JPH1: variants seen among roughly 807,000 people sequenced by gnomAD.
JPH1 encodes the protein junctophilin-1.
JPH1 carries 12 observed loss-of-function variants against 53.6 expected under a neutral mutation model. The ratio of observed to expected loss-of-function variants is 0.22; its 90% CI spans 0.14 to 0.36. The LOEUF is 0.36. Among genes scored for constraint, JPH1 ranks in the 10% least tolerant of loss-of-function variants. The pLI, the probability that JPH1 is intolerant of heterozygous loss-of-function variation, is 1.00. For missense variants in JPH1, 808 were observed against 905.5 expected, an observed-to-expected ratio of 0.89 and a Z score of 1.38; for synonymous variants, 375 against 363.8, an observed-to-expected ratio of 1.03 and a Z score of -0.35.
chr8:74,285,581 C>T (rs1350701274), intron 2 of JPH1, among the ~76,000 whole-genome samples: 1 of 152,128 alleles, frequency 6.6e-6, no homozygotes, highest in African/African-American at 2.4e-5. Context: ...GACAGTAACA[C>T]CTGAATGCAA....
intron 2 of JPH1, among the ~76,000 whole-genome samples, chr8:74,288,367 A>G (rs940130463): frequency 6.6e-6 from 1 of 152,146 alleles, no homozygotes; most frequent in African/African-American, 2.4e-5. Flanking sequence ...CTGAAAACCC[A>G]TTTCTTCAAC....
intron 2 of JPH1, among the ~76,000 whole-genome samples, chr8:74,272,079 T>A (rs1586749412): frequency 6.6e-6 from 1 of 152,262 alleles, no homozygotes. Flanking sequence ...CCTGCTGTCC[T>A]TGTCTTCCTA....
chr8:74,314,148 TG>T (rs1440081194), intron 2 of JPH1, among the ~76,000 whole-genome samples: 2 of 152,204 alleles, frequency 1.3e-5, no homozygotes, highest in Non-Finnish European at 2.9e-5. Context: ...CATGTCAGGT[TG>T]TCAGGTTCCC....
chr8:74,237,122 T>G, intron 5 of JPH1, 86 bp downstream of exon 5: 1 of 841,822 alleles, frequency 1.2e-6, no homozygotes, highest in Non-Finnish European at 1.9e-6. Context: ...GGACAATACG[T>G]CATTGTTAAA....
At chr8:74,265,903 C>A (rs1422089000) in intron 2 of JPH1, among the ~76,000 whole-genome samples, 1 of 151,198 alleles carries the variant, frequency 6.6e-6, no homozygotes, top group East Asian at 1.9e-4. Flanking sequence ...CATATCAAAA[C>A]CACAATGAGA....
chr8:74,303,380 C>T (rs1403722449), intron 2 of JPH1, among the ~76,000 whole-genome samples: 1 of 152,158 alleles, frequency 6.6e-6, no homozygotes, highest in Non-Finnish European at 1.5e-5. Flanking sequence ...GTAAACAGTA[C>T]CACCATCCAT....
intron 2 of JPH1, among the ~76,000 whole-genome samples, chr8:74,277,086 T>C (rs1304914974): frequency 6.6e-6 from 1 of 152,224 alleles, no homozygotes; most frequent in Non-Finnish European, 1.5e-5. Context: ...TTGCCAGTGT[T>C]GTTTGTTCTC....
At chr8:74,238,816 C>A (rs965089436) in intron 4 of JPH1, among the ~76,000 whole-genome samples, 1 of 152,142 alleles carries the variant, frequency 6.6e-6, no homozygotes, top group Non-Finnish European at 1.5e-5. Context: ...TGCTATCAAA[C>A]CTGGTTAATT....
chr8:74,276,548 A>G (rs1806854439), intron 2 of JPH1, among the ~76,000 whole-genome samples: 2 of 152,182 alleles, frequency 1.3e-5, no homozygotes, highest in African/African-American at 4.8e-5. Context: ...AAGTATTGAC[A>G]ATAATGATAA....
chr8:74,303,486 C>T (rs1414160687), intron 2 of JPH1, among the ~76,000 whole-genome samples: 7 of 152,308 alleles, frequency 4.6e-5, no homozygotes, highest in African/African-American at 1.7e-4. Flanking sequence ...AGTGAATCTG[C>T]TTGGGAGGCT....
intron 2 of JPH1, among the ~76,000 whole-genome samples, chr8:74,274,090 C>T (rs979522232): frequency 6.6e-6 from 1 of 152,176 alleles, no homozygotes; most frequent in Non-Finnish European, 1.5e-5. Flanking sequence ...CATGTGGCAC[C>T]TTTTCCCTTT....
chr8:74,247,975 A>C (rs1805909814), intron 3 of JPH1, among the ~76,000 whole-genome samples: 1 of 152,186 alleles, frequency 6.6e-6, no homozygotes, highest in African/African-American at 2.4e-5. Flanking sequence ...GGCCGTTGGA[A>C]TAATTTGTAT....
chr8:74,266,042 A>G (rs1357402193), intron 2 of JPH1, among the ~76,000 whole-genome samples: 2 of 152,094 alleles, frequency 1.3e-5, no homozygotes, highest in East Asian at 3.8e-4. Flanking sequence ...TGGTGCAGCT[A>G]CTGTTAAAAC....
chr8:74,275,309 A>G (rs1156572389), intron 2 of JPH1, among the ~76,000 whole-genome samples: 5 of 152,202 alleles, frequency 3.3e-5, no homozygotes, highest in African/African-American at 1.2e-4. Context: ...AAAATGGATC[A>G]AAACAGAGAT....
rs1365182639 is a variant in JPH1 at position 74,321,506 on chromosome 8, G to T, written c.-219C>A. The T allele has an allele frequency of 2.2e-6, 1 of 457,966 alleles. No individual in the cohort carries two copies. The highest frequency in any genetic ancestry group is 5.6e-4 in the Middle Eastern group (1 of 1,792). The allele number at this position is 457,966 out of a possible 1,614,324, so 28.4% of individuals were successfully genotyped here. A position where few individuals can be genotyped will look rare whatever the true frequency, so the allele number is the denominator to read the frequency against. ...TTCCTCCTCCTCCTCCTCCTCCTTC[G>T]CCGCCGCCGCCTGGGCCAGCGCCGC... On this transcript the variant is annotated 5_prime_UTR_variant, in exon 1 of 6. Coordinates refer to ENST00000342232, the MANE Select transcript of JPH1 (RefSeq NM_020647.4). This position sits in a 1 kb window ranked among gnomAD's most constrained non-coding sequence, Gnocchi z 4.3.
rs1169286090 is a variant in JPH1 at position 74,281,691 on chromosome 8, TTAGTGGGAGC to T, written c.1140-22198_1140-22189del. Among the ~76,000 whole-genome samples, 7 of 152,242 alleles carry T rather than the reference TTAGTGGGAGC, an allele frequency of 4.6e-5. No individual in the cohort carries two copies. The East Asian group carries it at 1.4e-3, about 29-fold the overall frequency. On this transcript the variant is annotated intron_variant, in intron 2 of 5. Coordinates refer to ENST00000342232, the MANE Select transcript of JPH1 (RefSeq NM_020647.4). ...ATTCATTCTCATCTGTCCTGTGTGGTTAGTGGGAGCTACCCCAACCCTGACCTGACTCATT... is the reference window on the plus strand; with the variant it reads ...ATTCATTCTCATCTGTCCTGTGTGGTTACCCCAACCCTGACCTGACTCATT...
chr8:74,311,765 G>T (rs1030522440), intron 2 of JPH1, among the ~76,000 whole-genome samples: 1 of 147,432 alleles, frequency 6.8e-6, no homozygotes, highest in African/African-American at 2.5e-5. Context: ...GTGAGAACAT[G>T]TGGTGTTTGG....
At chr8:74,249,027 C>G (rs1382873999) in intron 3 of JPH1, among the ~76,000 whole-genome samples, 1 of 152,186 alleles carries the variant, frequency 6.6e-6, no homozygotes, top group African/African-American at 2.4e-5. Flanking sequence ...CACCCGCTCA[C>G]GGACATGGCT....
chr8:74,244,421 A>G (rs1805786686), intron 4 of JPH1, 108 bp downstream of exon 4: 4 of 1,224,210 alleles, frequency 3.3e-6, no homozygotes, highest in Non-Finnish European at 4.5e-6. Context: ...CTGTGCTTCT[A>G]GAACCTTGGT....
Sources: gnomAD v4.1 joint callset for allele counts (sites outside exome capture counted in the v4.1 genomes callset) on GRCh38, gnomAD v4.1.1 for gene constraint, Gnocchi (gnomAD v3.1) non-coding constraint, MANE v1.5 for transcripts, NCBI Gene and HGNC (gene_info 2026-07-23, HGNC 2026-07-21) for gene names.